Variants in CTNNA2 observed in about 807,000 individuals in gnomAD.
CTNNA2 encodes catenin alpha 2.
In CTNNA2, 42 loss-of-function variants were observed where a neutral mutation model predicts 101.0. The ratio of observed to expected loss-of-function variants is 0.42; its 90% CI spans 0.32 to 0.54. The LOEUF (loss-of-function observed/expected upper bound fraction) is 0.54. CTNNA2 is among the 20% of genes least tolerant of loss of function. The probability of loss-of-function intolerance (pLI) is 0.14; values close to 1 mark genes in which losing one functional copy is unlikely to be tolerated. For missense variants in CTNNA2, 871 were observed against 1,223.1 expected, an observed-to-expected ratio of 0.71 and a Z score of 4.29; for synonymous variants, 450 against 456.4, an observed-to-expected ratio of 0.99 and a Z score of 0.18.
Position 79,888,101 on chromosome 2 carries a change from T to A in CTNNA2, c.852+13759T>A, listed in dbSNP as rs76032098. Reference sequence around the variant, plus strand: ...GTGTTTAGTCTACCTATGACAACCTTCTGAACACTAATGTTATGCAATGCA... The same window carrying A: ...GTGTTTAGTCTACCTATGACAACCTACTGAACACTAATGTTATGCAATGCA... On this transcript the variant is annotated intron_variant, in intron 6 of 18. Transcript: ENST00000402739. Among the ~76,000 whole-genome samples the A allele has an allele frequency of 8.6e-3, 1,306 of 152,272 alleles. 20 individuals are homozygous for A. Among genetic ancestry groups the A allele is most frequent in the African/African-American group, 0.03 (1,257 of 41,530 alleles).
chr2:80,119,493 A>G (rs551571295), intron 7 of CTNNA2, among the ~76,000 whole-genome samples: 1 of 152,318 alleles, frequency 6.6e-6, no homozygotes, highest in South Asian at 2.1e-4. Context: ...AATGATGTCC[A>G]TCATTAGTTT....
intron 4 of CTNNA2, among the ~76,000 whole-genome samples, chr2:79,382,460 C>T (rs906333469): frequency 4.6e-5 from 7 of 151,954 alleles, no homozygotes; most frequent in African/African-American, 1.7e-4. Flanking sequence ...CAAATACATG[C>T]TATTACCAAA....
At chr2:79,217,827 C>T (rs1400457901) in intron 2 of CTNNA2, among the ~76,000 whole-genome samples, 1 of 152,128 alleles carries the variant, frequency 6.6e-6, no homozygotes, top group African/African-American at 2.4e-5. Flanking sequence ...TCCTATCTAC[C>T]CAATTCCTAT....
intron 7 of CTNNA2, among the ~76,000 whole-genome samples, chr2:80,026,442 C>T (rs1558739924): frequency 6.6e-6 from 1 of 152,116 alleles, no homozygotes; most frequent in African/African-American, 2.4e-5. Context: ...ACCTTTCAGT[C>T]TTGTGAAAAT....
At chr2:80,589,273 G>A (rs1401686044) in intron 14 of CTNNA2, 31 bp from the exon 15 acceptor site, 25 of 1,608,838 alleles carry the variant, frequency 1.6e-5, no homozygotes, top group East Asian at 8.9e-5. Context: ...CTTTGTCACC[G>A]TCACTCACGC....
intron 1 of CTNNA2, among the ~76,000 whole-genome samples, chr2:79,550,243 A>G (rs1267101160): frequency 6.6e-6 from 1 of 152,196 alleles, no homozygotes; most frequent in Non-Finnish European, 1.5e-5. Context: ...TGGAGACGAA[A>G]TGATTCTTCA....
At chr2:80,098,516 A>G (rs531776642) in intron 7 of CTNNA2, among the ~76,000 whole-genome samples, 1 of 152,166 alleles carries the variant, frequency 6.6e-6, no homozygotes, top group South Asian at 2.1e-4. Context: ...TGGGAGAACC[A>G]CTACTCTCTT....
At chr2:79,778,601 A>G (rs1441439798) in intron 3 of CTNNA2, among the ~76,000 whole-genome samples, 1 of 152,152 alleles carries the variant, frequency 6.6e-6, no homozygotes, top group Non-Finnish European at 1.5e-5. Context: ...ATACATACAT[A>G]TATACACACA....
At chr2:80,269,745 TC>T (rs1236808913) in intron 7 of CTNNA2, among the ~76,000 whole-genome samples, 1 of 152,216 alleles carries the variant, frequency 6.6e-6, no homozygotes, top group East Asian at 1.9e-4. Context: ...AGTACTATTT[TC>T]CATCAGATAA....
chr2:79,850,000 T>C (rs1314326942), intron 3 of CTNNA2, among the ~76,000 whole-genome samples: 1 of 152,182 alleles, frequency 6.6e-6, no homozygotes, highest in Non-Finnish European at 1.5e-5. Context: ...ATTTCTTCAC[T>C]GATTAAGCTT....
intron 3 of CTNNA2, among the ~76,000 whole-genome samples, chr2:79,749,537 G>A (rs191833256): frequency 7.2e-5 from 11 of 152,136 alleles, no homozygotes; most frequent in South Asian, 4.1e-4. Flanking sequence ...AGTTTAAACC[G>A]TATCAGAATA....
chr2:80,162,723 T>G, intron 7 of CTNNA2: 1 of 1,611,680 alleles, frequency 6.2e-7, no homozygotes. Context: ...ACTGTGTGAT[T>G]GAACTGATGG....
intron 7 of CTNNA2, among the ~76,000 whole-genome samples, chr2:80,364,628 A>G (rs1363786758): frequency 7.4e-6 from 1 of 135,422 alleles, no homozygotes; most frequent in East Asian, 2.2e-4. Flanking sequence ...TGATTTAAGT[A>G]CTTTGTATCT....
At chr2:80,038,969 CAGGT>C (rs1188136497) in intron 7 of CTNNA2, among the ~76,000 whole-genome samples, 2 of 152,142 alleles carry the variant, frequency 1.3e-5, no homozygotes, top group Middle Eastern at 3.2e-3. Flanking sequence ...AGGAAAGACT[CAGGT>C]AGCTGAGACA....
At chr2:80,474,146 C>G (rs1224029544) in intron 9 of CTNNA2, among the ~76,000 whole-genome samples, 1 of 152,126 alleles carries the variant, frequency 6.6e-6, no homozygotes, top group African/African-American at 2.4e-5. Context: ...TTTTAAAAAT[C>G]TATGTTTTAA....
chr2:79,495,037 A>G (rs1478436464), intron 4 of CTNNA2, among the ~76,000 whole-genome samples: 2 of 152,150 alleles, frequency 1.3e-5, no homozygotes, highest in African/African-American at 4.8e-5. Flanking sequence ...AGGGAGGCGG[A>G]GCTTGCAGTG....
chr2:80,480,939 G>A (rs1008538703), intron 9 of CTNNA2, among the ~76,000 whole-genome samples: 2 of 152,084 alleles, frequency 1.3e-5, no homozygotes, highest in African/African-American at 4.8e-5. Flanking sequence ...ATTCATTTAC[G>A]TTCAGGTGGG....
At chr2:80,487,810 GTC>G (rs1433005446) in intron 9 of CTNNA2, among the ~76,000 whole-genome samples, 4 of 152,182 alleles carry the variant, frequency 2.6e-5, no homozygotes, top group Non-Finnish European at 4.4e-5. Context: ...TATGACCTGT[GTC>G]TCTTAGACGC....
At chr2:79,863,458 G>A (rs191671052) in intron 4 of CTNNA2, among the ~76,000 whole-genome samples, 6 of 152,238 alleles carry the variant, frequency 3.9e-5, no homozygotes, top group Non-Finnish European at 7.4e-5. Context: ...TCAATAAGTC[G>A]GAGTCTCAAG....
Sources: allele counts gnomAD v4.1 joint callset (sites outside exome capture counted in the v4.1 genomes callset), GRCh38; gene constraint gnomAD v4.1.1; transcripts MANE v1.5; gene names NCBI Gene and HGNC (gene_info 2026-07-23, HGNC 2026-07-21).